Variants in ENTR1 observed in about 807,000 individuals in gnomAD.
ENTR1 encodes the protein endosome-associated-trafficking regulator 1.
A neutral mutation model predicts 47.9 loss-of-function variants in ENTR1; 47 were observed. That is an observed-to-expected ratio of 0.98 (90% CI 0.78 to 1.25). ENTR1 has a LOEUF of 1.25. ENTR1 is among the 50% of genes most tolerant of loss of function. The pLI, the probability that ENTR1 is intolerant of heterozygous loss-of-function variation, is 0.00. For synonymous variants in ENTR1, 290 were observed against 245.8 expected (o/e 1.18, Z -1.68); for missense variants, 668 against 570.5 (o/e 1.17, Z -1.74).
intron 4 of ENTR1, 129 bp downstream of exon 4, chr9:136,407,697 C>A: frequency 7.2e-7 from 1 of 1,390,738 alleles, no homozygotes; most frequent in South Asian, 1.4e-5. Context: ...GCTTCTGAGC[C>A]CAGAGCTGCT....
intron 5 of ENTR1, 171 bp downstream of exon 5, chr9:136,406,974 C>T (rs1041338249): frequency 1.5e-6 from 1 of 659,538 alleles, no homozygotes; most frequent in Non-Finnish European, 2.5e-6. Flanking sequence ...TCTATTCCCA[C>T]GTGTAACCAG....
intron 3 of ENTR1, among the ~76,000 whole-genome samples, chr9:136,408,325 C>CT (rs11387728): frequency 0.43 from 65,119 of 151,804 alleles, 14,338 homozygotes; most frequent in Admixed American, 0.52. Context: ...CACGCCTGTA[C>CT]CCCAGCACTG....
In ENTR1 at chr9:136,410,523, CCGCCCCCG is replaced by C. The variant is rs2131578672; in HGVS notation, c.-134_-127del. 1 of 1,032,910 alleles carries C rather than the reference CCGCCCCCG, an allele frequency of 9.7e-7. No individual in the cohort carries two copies. Among genetic ancestry groups the C allele is most frequent in the Non-Finnish European group, 1.2e-6 (1 of 829,136 alleles). 64.0% of individuals were successfully genotyped at this position (1,032,910 alleles called of 1,614,324 possible). A position where few individuals can be genotyped will look rare whatever the true frequency, so the allele number is the denominator to read the frequency against. ...CCCGCCCCCGTCGCCCGCCGCTCGG[CCGCCCCCG>C]CGCCTCCGAGCCTCTCGCCGCTGCT... On this transcript the variant is annotated 5_prime_UTR_variant, in exon 1 of 10. Transcript: ENST00000357365.
At chr9:136,408,874 AC>A in intron 3 of ENTR1, 124 bp downstream of exon 3, 1 of 601,244 alleles carries the variant, frequency 1.7e-6, no homozygotes. Flanking sequence ...TTGAAATCCC[AC>A]CCCCACCTGC....
At chr9:136,408,527 G>T (rs1347074497) in intron 3 of ENTR1, among the ~76,000 whole-genome samples, 1 of 152,066 alleles carries the variant, frequency 6.6e-6, no homozygotes, top group Admixed American at 6.5e-5. Context: ...GCAGTGAGCC[G>T]AGATCGTGCC....
intron 2 of ENTR1, among the ~76,000 whole-genome samples, chr9:136,409,371 C>T (rs1434948656): frequency 1.3e-5 from 2 of 152,266 alleles, no homozygotes; most frequent in South Asian, 4.1e-4. Context: ...TTTGTAGAGA[C>T]GGGTTTTCAC....
Position 136,409,566 on chromosome 9 carries a change from T to C in ENTR1, c.221-499A>G, listed in dbSNP as rs2131573743. On this transcript the variant is annotated intron_variant, in intron 2 of 9. Transcript: ENST00000357365. ...ACTTGCAGACTGGCCCTGGTGTCCG[T>C]GGTCTGAAAGCGGCTCCTCAGCAGA... is the stretch of plus-strand genomic sequence containing the variant. Among the ~76,000 whole-genome samples, 2 of 152,232 alleles carry C rather than the reference T, an allele frequency of 1.3e-5. 1 individual carries two copies. Among genetic ancestry groups the C allele is most frequent in the African/African-American group, 4.8e-5 (2 of 41,550 alleles).
intron 8 of ENTR1, 98 bp downstream of exon 8, chr9:136,404,533 G>A (rs1380224679): frequency 7.5e-6 from 10 of 1,328,322 alleles, no homozygotes; most frequent in Non-Finnish European, 9.6e-6. Flanking sequence ...CTTGGGCTCA[G>A]GGGAAACCCC....
Position 136,405,160 on chromosome 9 carries a change from C to A in ENTR1, c.936G>T (p.Lys312Asn). The A allele has an allele frequency of 1.2e-6, 2 of 1,614,024 alleles. No homozygotes were observed. Among genetic ancestry groups the A allele is most frequent in the Non-Finnish European group, 1.7e-6 (2 of 1,179,960 alleles). Residue 312 changes from lysine to asparagine, a missense_variant, in exon 7 of 10, where the codon AAG (lysine) becomes AAT (asparagine). Coordinates refer to ENST00000357365, the MANE Select transcript of ENTR1 (RefSeq NM_001039707.2). ...LERKLEAKMI[K>N]EESDYHDLES... is the part of the protein sequence containing the mutation. Reference sequence around the variant, plus strand: ...CCAGGTCGTGGTAGTCGCTTTCCTCCTTGATCATTTTTGCTTCTAACTTCC... The same window carrying A: ...CCAGGTCGTGGTAGTCGCTTTCCTCATTGATCATTTTTGCTTCTAACTTCC...
At chr9:136,406,275 C>A (rs1326903284) in intron 5 of ENTR1, among the ~76,000 whole-genome samples, 3 of 151,986 alleles carry the variant, frequency 2.0e-5, no homozygotes, top group Non-Finnish European at 2.9e-5. Flanking sequence ...TGAGACCAGC[C>A]TGGCCAACAC....
chr9:136,407,781 C>G, intron 4 of ENTR1, 45 bp downstream of exon 4: 1 of 1,489,774 alleles, frequency 6.7e-7, no homozygotes, highest in Non-Finnish European at 9.4e-7. Flanking sequence ...GAGGCCGGAA[C>G]AGAAACGTCC....
chr9:136,402,256 G>A lies in ENTR1; in HGVS notation c.*532C>T, dbSNP rs764003584. On this transcript the variant is annotated 3_prime_UTR_variant, in exon 10 of 10. Transcript: ENST00000357365. ...AGGAGGACAGCAGCAGCCACGCGGT[G>A]GCCCCTGCGCACTCAGGCCATGACT... 2 of 153,090 alleles carry A rather than the reference G, an allele frequency of 1.3e-5. No individual in the cohort carries two copies. The highest frequency in any genetic ancestry group is 2.9e-5 in the Non-Finnish European group (2 of 68,596). The allele number at this position is 153,090 out of a possible 1,614,324, so 9.5% of individuals were successfully genotyped here.
In ENTR1 at chr9:136,402,737, G is replaced by A. The variant is rs764032550; in HGVS notation, c.*51C>T. The A allele has an allele frequency of 6.5e-6, 8 of 1,225,598 alleles. No individual in the cohort carries two copies. In the South Asian group the frequency reaches 8.5e-5, roughly 13 times the overall value. The allele number at this position is 1,225,598 out of a possible 1,614,324, so 75.9% of individuals were successfully genotyped here. A position where few individuals can be genotyped will look rare whatever the true frequency, so the allele number is the denominator to read the frequency against. Reference sequence around the variant, plus strand: ...CAACTGCACATTTAGATCGAGCGGTGGTGACCTCAGGGTATACACGGAGCT... The same window carrying A: ...CAACTGCACATTTAGATCGAGCGGTAGTGACCTCAGGGTATACACGGAGCT... On this transcript the variant is annotated 3_prime_UTR_variant, in exon 10 of 10. Transcript: ENST00000357365.
At position 136,409,127 on chromosome 9, in the gene ENTR1, G is replaced by GT. The variant is rs754086159; in HGVS notation, c.221-61dup. The GT allele has an allele frequency of 3.9e-6, 6 of 1,525,040 alleles. No homozygotes were observed. In the African/African-American group the frequency reaches 4.1e-5, roughly 10 times the overall value. 94.5% of individuals were successfully genotyped at this position (1,525,040 alleles called of 1,614,324 possible). The stretch of plus-strand genomic sequence containing the variant: ...GGAAGTCTTTATGACCTCACATTTG[G>GT]TTTTTTTCTTTTGCACATGGAGTCT... On this transcript the variant is annotated intron_variant, in intron 2 of 9. Transcript: ENST00000357365.
At chr9:136,409,161 G>A (rs1290476134) in intron 2 of ENTR1, 94 bp from the exon 3 acceptor site, 2 of 1,041,718 alleles carry the variant, frequency 1.9e-6, no homozygotes, top group Non-Finnish European at 3.0e-6. Context: ...CTCCACTGCA[G>A]TGGTTCTCAC....
intron 7 of ENTR1, 188 bp from the exon 8 acceptor site, chr9:136,404,881 T>G: frequency 1.5e-6 from 1 of 675,780 alleles, no homozygotes; most frequent in South Asian, 1.8e-5. Context: ...GTGCAGTGTC[T>G]GTGCTCTGGC....
At chr9:136,403,145 G>A (rs1834572545) in intron 9 of ENTR1, among the ~76,000 whole-genome samples, 1 of 113,548 alleles carries the variant, frequency 8.8e-6, no homozygotes, top group Admixed American at 8.5e-5. Flanking sequence ...GGGGGAGAAA[G>A]GGGAGGAATT....
intron 2 of ENTR1, among the ~76,000 whole-genome samples, 194 bp from the exon 3 acceptor site, chr9:136,409,261 A>G (rs1293754083): frequency 1.3e-5 from 2 of 151,706 alleles, no homozygotes; most frequent in African/African-American, 4.8e-5. Context: ...GCTCCCTGCA[A>G]GCTCCGCCTC....
At position 136,407,131 on chromosome 9, in the gene ENTR1, T is replaced by C. The variant is rs3087886; in HGVS notation, c.819+14A>G. ...ACAGGCGCTGTGCCAGAGGGCGCCGTGAGGCTCACTTACTGCGTCGTAACT... is the reference window on the plus strand; with the variant it reads ...ACAGGCGCTGTGCCAGAGGGCGCCGCGAGGCTCACTTACTGCGTCGTAACT... On this transcript the variant is annotated intron_variant, in intron 5 of 9. Transcript: ENST00000357365. The C allele has an allele frequency of 0.48, 751,298 of 1,572,972 alleles. 182,120 individuals are homozygous for C. The highest frequency in any genetic ancestry group is 0.57 in the Admixed American group (33,071 of 57,798).
Sources: gnomAD v4.1 joint callset for allele counts (sites outside exome capture counted in the v4.1 genomes callset) on GRCh38, gnomAD v4.1.1 for gene constraint, MANE v1.5 for transcripts, NCBI Gene and HGNC (gene_info 2026-07-23, HGNC 2026-07-21) for gene names.